The following PKHD1L1 variants were observed in gnomAD, a reference collection of about 807,000 sequenced individuals.
PKHD1L1 encodes the protein PKHD1 like 1.
PKHD1L1 carries 434 observed loss-of-function variants against 462.9 expected under a neutral mutation model. The ratio of observed to expected loss-of-function variants is 0.94; its 90% CI spans 0.87 to 1.02. The LOEUF (loss-of-function observed/expected upper bound fraction) is 1.02, where lower values mean the gene tolerates loss of function less well. Among genes scored for constraint, PKHD1L1 ranks in the 50% least tolerant of loss-of-function variants. The pLI is 0.00. For missense variants in PKHD1L1, 5,202 were observed against 5,096.1 expected, an observed-to-expected ratio of 1.02 and a Z score of -0.63; for synonymous variants, 1,781 against 1,750.0, an observed-to-expected ratio of 1.02 and a Z score of -0.44.
In PKHD1L1 at chr8:109,441,295, A is replaced by ACAT; in HGVS notation, c.4129_4131dup (p.Ser1377dup). Reference sequence around the variant, plus strand: ...TCTAGGGTCCATCCCTTGCAATGTTACATCATCATCAGAAAATGTCATAAA... The same window carrying ACAT: ...TCTAGGGTCCATCCCTTGCAATGTTACATCATCATCATCAGAAAATGTCATAAA... On this transcript the variant is annotated inframe_insertion, in exon 34 of 78. Transcript: ENST00000378402. 6.3e-7 allele frequency: 1 copy of ACAT among 1,581,754 alleles called. No homozygotes were observed. The highest frequency in any genetic ancestry group is 8.6e-7 in the Non-Finnish European group (1 of 1,158,544).
At chr8:109,525,710 C>T (rs922347347) in intron 76 of PKHD1L1, among the ~76,000 whole-genome samples, 1 of 150,504 alleles carries the variant, frequency 6.6e-6, no homozygotes, top group Non-Finnish European at 1.5e-5. Context: ...ATTTGCTCAT[C>T]AAAAAAATTA....
intron 8 of PKHD1L1, among the ~76,000 whole-genome samples, chr8:109,390,020 G>T (rs1158538617): frequency 6.6e-6 from 1 of 151,074 alleles, no homozygotes; most frequent in Non-Finnish European, 1.5e-5. Context: ...CTGTGTCATT[G>T]CTCTTGGCTA....
Position 109,454,842 on chromosome 8 carries a change from G to A in PKHD1L1, c.6864G>A (p.Leu2288=). Residue 2288 remains leucine, a synonymous_variant, in exon 45 of 78, where the codon CTG becomes CTA. Coordinates refer to ENST00000378402, the MANE Select transcript of PKHD1L1 (RefSeq NM_177531.6). Reference sequence around the variant, plus strand: ...CACTGGCTGTGCGGGAGGGAATCCTGGATCTGCACGGTACTGTGGCCAAGT... The same window carrying A: ...CACTGGCTGTGCGGGAGGGAATCCTAGATCTGCACGGTACTGTGGCCAAGT... The part of the protein sequence containing the change: ...AKTLAVREGI[L]DLHGVPVPVT... 1 of 1,613,554 alleles carries A rather than the reference G, an allele frequency of 6.2e-7. No individual in the cohort carries two copies.
At position 109,385,474 on chromosome 8, in the gene PKHD1L1, G is replaced by A. The variant is rs184168499; in HGVS notation, c.476-63G>A. 2.4e-4 allele frequency: 244 copies of A among 1,032,942 alleles called. No individual in the cohort carries two copies. The African/African-American group carries it at 3.2e-3, about 14-fold the overall frequency. The allele number at this position is 1,032,942 out of a possible 1,614,324, so 64.0% of individuals were successfully genotyped here. A position where few individuals can be genotyped will look rare whatever the true frequency, so the allele number is the denominator to read the frequency against. ...TATTGGGAAAATCTCTTATGTTTTC[G>A]TATTAAGTGTATGGATAGATTTTCT... On this transcript the variant is annotated intron_variant, in intron 5 of 77. Transcript: ENST00000378402.
intron 2 of PKHD1L1, among the ~76,000 whole-genome samples, chr8:109,375,531 C>T (rs1359406447): frequency 6.6e-6 from 1 of 152,164 alleles, no homozygotes; most frequent in Non-Finnish European, 1.5e-5. Flanking sequence ...CAGCTTTGTT[C>T]CGTTGCTGGT....
chr8:109,436,267 A>T, intron 29 of PKHD1L1, 71 bp from the exon 30 acceptor site: 1 of 1,483,668 alleles, frequency 6.7e-7, no homozygotes, highest in Non-Finnish European at 9.1e-7. Flanking sequence ...TTCTCAAAAA[A>T]TGTTACTAAC....
intron 2 of PKHD1L1, 35 bp downstream of exon 2, chr8:109,364,671 G>A (rs1173676515): frequency 1.7e-6 from 2 of 1,199,576 alleles, no homozygotes; most frequent in East Asian, 2.4e-5. Flanking sequence ...TTTTGCCAAG[G>A]TTGAGGTATT....
rs1812967070 is a variant in PKHD1L1, at chr8:109,396,204, T to A, written c.922+67T>A. 2.9e-6 allele frequency: 3 copies of A among 1,048,734 alleles called. No individual in the cohort carries two copies. The Admixed American group carries it at 6.4e-5, about 22-fold the overall frequency. The allele number at this position is 1,048,734 out of a possible 1,614,324, so 65.0% of individuals were successfully genotyped here. ...ATTCTGCCTGCTCTTTAATAATTTG[T>A]AATAATAATAATAGTCTTTTCTCAA... On this transcript the variant is annotated intron_variant, in intron 11 of 77. Transcript: ENST00000378402.
intron 43 of PKHD1L1, among the ~76,000 whole-genome samples, chr8:109,453,461 A>ATGC (rs1554580802): frequency 2.0e-5 from 3 of 152,180 alleles, no homozygotes; most frequent in Non-Finnish European, 4.4e-5. Flanking sequence ...ATTGCATGTA[A>ATGC]AAGAATCATT....
In PKHD1L1 at chr8:109,499,926, C is replaced by T. The variant is rs565534881; in HGVS notation, c.10828+1155C>T. Among the ~76,000 whole-genome samples, 9 of 152,264 alleles carry T rather than the reference C, an allele frequency of 5.9e-5. No individual in the cohort carries two copies. In the East Asian group the frequency reaches 7.7e-4, roughly 13 times the overall value. On this transcript the variant is annotated intron_variant, in intron 67 of 77. Coordinates refer to ENST00000378402, the MANE Select transcript of PKHD1L1 (RefSeq NM_177531.6). ...CACATCTGGTGAGGTGGGTAGGGGACGGAAGTCATTTGTATCCCCATGTTA... is the reference window on the plus strand; with the variant it reads ...CACATCTGGTGAGGTGGGTAGGGGATGGAAGTCATTTGTATCCCCATGTTA...
intron 17 of PKHD1L1, among the ~76,000 whole-genome samples, chr8:109,407,420 G>A (rs1813614664): frequency 6.6e-6 from 1 of 152,056 alleles, no homozygotes; most frequent in South Asian, 2.1e-4. Flanking sequence ...GAAATATGGT[G>A]CCCAAATCCT....
intron 53 of PKHD1L1, among the ~76,000 whole-genome samples, chr8:109,478,597 C>T (rs1253815827): frequency 6.6e-6 from 1 of 151,976 alleles, no homozygotes; most frequent in Non-Finnish European, 1.5e-5. Context: ...ACCTAGGGAG[C>T]AACTTGTGCA....
At chr8:109,390,737 GA>G (rs1812674368) in intron 9 of PKHD1L1, among the ~76,000 whole-genome samples, 1 of 151,934 alleles carries the variant, frequency 6.6e-6, no homozygotes, top group South Asian at 2.1e-4. Context: ...TTGTGTTATG[GA>G]AAAATATTAT....
intron 54 of PKHD1L1, 87 bp from the exon 55 acceptor site, chr8:109,479,904 C>T: frequency 1.6e-6 from 2 of 1,275,528 alleles, no homozygotes; most frequent in Non-Finnish European, 2.1e-6. Context: ...ACACTCAAAA[C>T]TAGGACTCAC....
chr8:109,366,478 G>T (rs1261253826), intron 2 of PKHD1L1, among the ~76,000 whole-genome samples: 3 of 152,060 alleles, frequency 2.0e-5, no homozygotes, highest in Non-Finnish European at 4.4e-5. Context: ...TTGGTCAAAG[G>T]GTGCAAAATT....
At chr8:109,444,558 C>A in intron 37 of PKHD1L1, 103 bp from the exon 38 acceptor site, 1 of 1,057,600 alleles carries the variant, frequency 9.5e-7, no homozygotes, top group Non-Finnish European at 1.4e-6. Context: ...TATTTATTTG[C>A]ACATGATTAA....
intron 3 of PKHD1L1, among the ~76,000 whole-genome samples, chr8:109,382,166 T>C (rs1563722602): frequency 6.6e-6 from 1 of 151,196 alleles, no homozygotes; most frequent in Admixed American, 6.7e-5. Context: ...TATGTTACTA[T>C]TTTAAATGTT....
chr8:109,389,693 A>G (rs184642489), intron 8 of PKHD1L1, among the ~76,000 whole-genome samples: 1 of 152,074 alleles, frequency 6.6e-6, no homozygotes, highest in Admixed American at 6.5e-5. Flanking sequence ...ATGCCTGGCT[A>G]ATTTTTGTAT....
At chr8:109,402,671 A>G (rs1188564858) in intron 14 of PKHD1L1, among the ~76,000 whole-genome samples, 1 of 152,186 alleles carries the variant, frequency 6.6e-6, no homozygotes, top group Admixed American at 6.6e-5. Flanking sequence ...AGACTCAAGG[A>G]TGAAGAAATA....
Sources: allele counts gnomAD v4.1 joint callset (sites outside exome capture counted in the v4.1 genomes callset), GRCh38; gene constraint gnomAD v4.1.1; transcripts MANE v1.5; gene names NCBI Gene and HGNC (gene_info 2026-07-23, HGNC 2026-07-21).